The following UTY variants were observed in gnomAD, a reference collection of about 807,000 sequenced individuals.
UTY encodes histone demethylase UTY.
Under a neutral mutation model 32.5 loss-of-function variants are expected in UTY, and 12 were observed. The observed-to-expected ratio is 0.37, with a 90% CI of 0.24 to 0.60. The LOEUF (loss-of-function observed/expected upper bound fraction) is 0.60. UTY is among the 20% of genes least tolerant of loss of function. UTY has a pLI of 0.69. For synonymous variants in UTY, 131 were observed against 103.4 expected, an observed-to-expected ratio of 1.27 and a Z score of -1.62; for missense variants, 303 against 299.2, an observed-to-expected ratio of 1.01 and a Z score of -0.09.
chrY:13,307,278 A>G, intron 21 of UTY, among the ~76,000 whole-genome samples: 1 of 33,779 alleles, frequency 3.0e-5, no homozygotes. Context: ...AACATTTGTA[A>G]TAAAAAATTA....
At chrY:13,426,903 TA>T (rs2073368503) in intron 4 of UTY, among the ~76,000 whole-genome samples, 1 of 33,125 alleles carries the variant, frequency 3.0e-5, no homozygotes, top group South Asian at 6.5e-4. Context: ...CTCATTGGCT[TA>T]AAAAAAGGAC....
intron 17 of UTY, among the ~76,000 whole-genome samples, chrY:13,344,017 GT>G (rs2061706282): frequency 3.0e-5 from 1 of 33,723 alleles, no homozygotes; most frequent in Non-Finnish European, 7.4e-5. Context: ...ATGGCAGGAG[GT>G]GATGAGGCTA....
chrY:13,283,993 G>A, intron 27 of UTY, among the ~76,000 whole-genome samples: 3 of 32,627 alleles, frequency 9.2e-5, no homozygotes, highest in Non-Finnish European at 2.3e-4. Flanking sequence ...AGGGGTGGAG[G>A]CAGAATTTAT....
intron 2 of UTY, among the ~76,000 whole-genome samples, 196 bp from the exon 3 acceptor site, chrY:13,470,425 C>A: frequency 3.0e-5 from 1 of 32,941 alleles, no homozygotes. Context: ...AAATTAGATC[C>A]CAAGGATTCT....
chrY:13,397,731 T>C, intron 6 of UTY, among the ~76,000 whole-genome samples: 1 of 33,824 alleles, frequency 3.0e-5, no homozygotes, highest in Non-Finnish European at 7.4e-5. Context: ...CATATAAGCC[T>C]ATGCAGAATG....
intron 3 of UTY, among the ~76,000 whole-genome samples, chrY:13,458,353 T>G (rs2076999040): frequency 3.1e-5 from 1 of 32,501 alleles, no homozygotes; most frequent in Non-Finnish European, 7.6e-5. Context: ...ACTTCCACAA[T>G]GGTTGAACTA....
intron 21 of UTY, among the ~76,000 whole-genome samples, chrY:13,314,416 G>T: frequency 3.0e-5 from 1 of 33,186 alleles, no homozygotes; most frequent in Admixed American, 2.8e-4. Context: ...TCTATCTCAA[G>T]AAAGAAAATG....
At chrY:13,305,138 C>T in intron 24 of UTY, among the ~76,000 whole-genome samples, 1 of 32,368 alleles carries the variant, frequency 3.1e-5, no homozygotes, top group Non-Finnish European at 7.5e-5. Context: ...CATTGTTAAC[C>T]TGTTGTCATT....
chrY:13,323,513 A>T, intron 21 of UTY, 42 bp downstream of exon 21: 1 of 341,895 alleles, frequency 2.9e-6, no homozygotes, highest in Non-Finnish European at 4.3e-6. Flanking sequence ...ATGCACTATT[A>T]AAAAATAGCA....
At chrY:13,348,290 TTG>T (rs2062094134) in intron 17 of UTY, among the ~76,000 whole-genome samples, 1 of 33,691 alleles carries the variant, frequency 3.0e-5, no homozygotes. Context: ...ATCCTTGAGA[TTG>T]TGATATTTGA....
At chrY:13,460,040 A>C in intron 3 of UTY, among the ~76,000 whole-genome samples, 2 of 32,906 alleles carry the variant, frequency 6.1e-5, no homozygotes, top group South Asian at 1.3e-3. Context: ...CTTGTATTTA[A>C]ATCTATTCAT....
At chrY:13,277,101 T>C (rs2056743225) in intron 27 of UTY, among the ~76,000 whole-genome samples, 1 of 33,571 alleles carries the variant, frequency 3.0e-5, no homozygotes, top group Non-Finnish European at 7.4e-5. Context: ...CATGAACACA[T>C]AAAAATTAAT....
intron 4 of UTY, among the ~76,000 whole-genome samples, chrY:13,426,538 G>A (rs367909693): frequency 6.1e-5 from 2 of 33,034 alleles, no homozygotes; most frequent in Non-Finnish European, 1.5e-4. Context: ...CATCAATATC[G>A]AATTATCAAA....
intron 17 of UTY, among the ~76,000 whole-genome samples, chrY:13,337,737 GGACAAAA>G (rs2061186305): frequency 3.0e-5 from 1 of 33,151 alleles, no homozygotes; most frequent in Non-Finnish European, 7.4e-5. Flanking sequence ...TACAGGAGTA[GGACAAAA>G]GAGTCTATAA....
chrY:13,264,394 G>C, intron 27 of UTY, among the ~76,000 whole-genome samples: 7 of 33,123 alleles, frequency 2.1e-4, no homozygotes, highest in Non-Finnish European at 3.7e-4. Context: ...CCCGCCAACA[G>C]TATAAAAACG....
chrY:13,289,862 T>G, intron 27 of UTY, among the ~76,000 whole-genome samples: 1 of 31,865 alleles, frequency 3.1e-5, no homozygotes, highest in Admixed American at 2.9e-4. Flanking sequence ...CCTACACATA[T>G]ATAAAGAAAA....
chrY:13,258,843 G>A, intron 28 of UTY, among the ~76,000 whole-genome samples: 1 of 34,128 alleles, frequency 2.9e-5, no homozygotes, highest in African/African-American at 1.1e-4. Flanking sequence ...GCAAATCAAA[G>A]GAGGGGGACA....
chrY:13,354,867 T>C, intron 17 of UTY, 136 bp downstream of exon 17: 2 of 363,107 alleles, frequency 5.5e-6, no homozygotes, highest in Non-Finnish European at 7.5e-6. Context: ...AAAAGTTTTA[T>C]ACTCTTATCA....
At chrY:13,472,595 G>C in intron 2 of UTY, among the ~76,000 whole-genome samples, 1 of 33,384 alleles carries the variant, frequency 3.0e-5, no homozygotes, top group African/African-American at 1.2e-4. Flanking sequence ...ATATCAAAAT[G>C]ATAACTGCAT....
Sources: allele counts gnomAD v4.1 joint callset (sites outside exome capture counted in the v4.1 genomes callset), GRCh38; gene constraint gnomAD v4.1.1; transcripts MANE v1.5; gene names NCBI Gene and HGNC (gene_info 2026-07-23, HGNC 2026-07-21).